Variants in CSF2RA observed in about 807,000 individuals in gnomAD.
CSF2RA encodes colony stimulating factor 2 receptor subunit alpha, also known as granulocyte-macrophage colony-stimulating factor receptor subunit alpha.
A neutral mutation model predicts 51.6 loss-of-function variants in CSF2RA; 42 were observed. The observed-to-expected ratio is 0.81, with a 90% confidence interval of 0.64 to 1.05. The LOEUF (loss-of-function observed/expected upper bound fraction) is 1.05, where lower values mean the gene tolerates loss of function less well. CSF2RA is among the 50% of genes least tolerant of loss of function. The pLI is 0.00. For synonymous variants in CSF2RA, 222 were observed against 193.0 expected (o/e 1.15, Z -1.24); for missense variants, 530 against 501.1 (o/e 1.06, Z -0.55).
chrX:1,313,151 G>A (rs753492818), downstream of CSF2RA, among the ~76,000 whole-genome samples: 22 of 152,252 alleles, frequency 1.4e-4, no homozygotes, highest in East Asian at 5.8e-4. Context: ...GAGGCCGGGC[G>A]TGGTAGCCAT....
At chrX:1,305,833 C>A in intron 12 of CSF2RA, 3 of 1,520,030 alleles carry the variant, frequency 2.0e-6, no homozygotes, top group African/African-American at 1.4e-5. Context: ...GTCATCCCAG[C>A]ACTTTGGGAG....
intron 1 of CSF2RA, among the ~76,000 whole-genome samples, chrX:1,272,658 T>G (rs2088592593): frequency 6.6e-6 from 1 of 151,156 alleles, no homozygotes; most frequent in Non-Finnish European, 1.5e-5. Flanking sequence ...CAGCTAATTT[T>G]CTTTGTATTT....
At chrX:1,287,399 T>C (rs370561828) in intron 4 of CSF2RA, among the ~76,000 whole-genome samples, 4 of 147,226 alleles carry the variant, frequency 2.7e-5, no homozygotes, top group African/African-American at 7.6e-5. Flanking sequence ...TGATCCACCC[T>C]CCTTGGCCTC....
intron 11 of CSF2RA, 87 bp downstream of exon 11, chrX:1,304,106 G>A (rs2083290754): frequency 8.4e-7 from 1 of 1,190,294 alleles, no homozygotes; most frequent in South Asian, 1.2e-5. Flanking sequence ...CTCTGTCTCT[G>A]AGAAAGAGAA....
chrX:1,283,095 C>A (rs191058590), intron 3 of CSF2RA, among the ~76,000 whole-genome samples: 3 of 150,176 alleles, frequency 2.0e-5, no homozygotes, highest in African/African-American at 7.3e-5. Context: ...CAAAGTGTTC[C>A]TTCCTTCCTT....
At chrX:1,290,641 G>A (rs1422926272) in intron 7 of CSF2RA, 132 bp downstream of exon 7, 274 of 878,108 alleles carry the variant, frequency 3.1e-4, no homozygotes, top group Non-Finnish European at 5.0e-4. Flanking sequence ...GAGGCGGGCC[G>A]ATCACCTGAG....
At chrX:1,322,610 G>A in the CSF2RA span, among the ~76,000 whole-genome samples, 3 of 151,394 alleles carry the variant, frequency 2.0e-5, no homozygotes, top group South Asian at 2.1e-4. Flanking sequence ...GTGGTCACGC[G>A]GCAGCTCTCG....
At chrX:1,310,055 C>T (rs185389555), downstream of CSF2RA, 32 of 349,876 alleles carry the variant, frequency 9.1e-5, no homozygotes, top group East Asian at 8.3e-4. Context: ...ATTAGCTGGG[C>T]GTGGTGGCTT....
chrX:1,274,820 T>A lies in CSF2RA; in HGVS notation c.-27+2T>A, dbSNP rs1398932048. ...GCGGCGATGTTTGCGTAGAACCCTG[T>A]ACGTGCTTCCTTCGGCCTGTCGGTA... On this transcript the variant is annotated splice_donor_variant, in intron 2 of 12. Transcript: ENST00000381529. LOFTEE classifies it low-confidence loss of function (5UTR_SPLICE). The A allele has an allele frequency of 2.2e-6, 1 of 453,558 alleles. No homozygotes were observed. Among genetic ancestry groups the A allele is most frequent in the Non-Finnish European group, 4.4e-6 (1 of 226,732 alleles). The allele number at this position is 453,558 out of a possible 1,614,324, so 28.1% of individuals were successfully genotyped here.
chrX:1,275,103 A>AC (rs1374383460), intron 2 of CSF2RA, among the ~76,000 whole-genome samples: 13 of 151,482 alleles, frequency 8.6e-5, no homozygotes, highest in African/African-American at 3.1e-4. Context: ...AAAAAAAAAA[A>AC]AAGAGCCGGC....
chrX:1,311,683 C>T (rs1407979766), downstream of CSF2RA, among the ~76,000 whole-genome samples: 6 of 152,136 alleles, frequency 3.9e-5, no homozygotes, highest in South Asian at 2.1e-4. Flanking sequence ...CCTCGTGATC[C>T]GCCCCCCTTG....
At chrX:1,307,388 T>TC (rs34782237) in intron 12 of CSF2RA, among the ~76,000 whole-genome samples, 34,180 of 137,804 alleles carry the variant, frequency 0.25, 4,189 homozygotes, top group African/African-American at 0.36. Context: ...GGCCCACCAT[T>TC]CCCCTTTAGA....
the CSF2RA span, among the ~76,000 whole-genome samples, chrX:1,323,251 C>T: frequency 4.0e-5 from 6 of 150,546 alleles, no homozygotes; most frequent in African/African-American, 7.3e-5. Context: ...CGGTGGCTCA[C>T]GCCTGTAATT....
chrX:1,288,559 G>T lies in CSF2RA; in HGVS notation c.260G>T (p.Cys87Phe). The T allele has an allele frequency of 1.2e-6, 2 of 1,613,914 alleles. No individual in the cohort carries two copies. Among genetic ancestry groups the T allele is most frequent in the Non-Finnish European group, 1.7e-6 (2 of 1,179,852 alleles). The change falls in exon 5 of 13, where the codon TGT becomes TTT. Residue 87 changes from cysteine to phenylalanine, a missense_variant. Physicochemically the swap from Cys to Phe is radical, Grantham distance 205 (BLOSUM62 -2). Coordinates refer to ENST00000381529, the MANE Select transcript of CSF2RA (RefSeq NM_172245.4). ...NECSCTFREI[C>F]LHEGVTFEVH... ...TGTTCGTGCACATTTCGTGAAATTTGTCTGCATGAAGGAGTCACATTTGAG... is the reference window on the plus strand; with the variant it reads ...TGTTCGTGCACATTTCGTGAAATTTTTCTGCATGAAGGAGTCACATTTGAG...
At chrX:1,313,422 G>C (rs2084269898), downstream of CSF2RA, among the ~76,000 whole-genome samples, 2 of 150,596 alleles carry the variant, frequency 1.3e-5, no homozygotes, top group Admixed American at 1.3e-4. Context: ...TGACAGAGAG[G>C]AGCTGTGGTC....
At chrX:1,301,652 A>G (rs1569509881) in intron 10 of CSF2RA, among the ~76,000 whole-genome samples, 2 of 132,622 alleles carry the variant, frequency 1.5e-5, no homozygotes, top group East Asian at 2.2e-4. Flanking sequence ...GCTGGAGTCC[A>G]GTGGCGCAAT....
In CSF2RA at chrX:1,302,116, A is replaced by G. The variant is rs1181889886; in HGVS notation, c.946+1490A>G. Among the ~76,000 whole-genome samples the G allele has an allele frequency of 1.5e-4, 22 of 147,226 alleles. No homozygotes were observed. In the Admixed American group the frequency reaches 1.5e-3, roughly 10 times the overall value. Reference sequence around the variant, plus strand: ...TTTTTAGTAGAGACGGGGTTTCACCATGTTGGTCAGGCTGTTCTTGAACTC... The same window carrying G: ...TTTTTAGTAGAGACGGGGTTTCACCGTGTTGGTCAGGCTGTTCTTGAACTC... On this transcript the variant is annotated intron_variant, in intron 10 of 12. Coordinates refer to ENST00000381529, the MANE Select transcript of CSF2RA (RefSeq NM_172245.4).
chrX:1,315,805 AG>A, the CSF2RA span, among the ~76,000 whole-genome samples: 1 of 81,422 alleles, frequency 1.2e-5, no homozygotes, highest in East Asian at 2.0e-4. Flanking sequence ...ATAGATAGAT[AG>A]ATAGATAGAT....
chrX:1,318,264 A>G, the CSF2RA span, among the ~76,000 whole-genome samples: 2 of 151,706 alleles, frequency 1.3e-5, no homozygotes, highest in Non-Finnish European at 2.9e-5. Flanking sequence ...CCCGGGTTCA[A>G]GTGATTCTCC....
Sources: gnomAD v4.1 joint callset for allele counts (sites outside exome capture counted in the v4.1 genomes callset) on GRCh38, gnomAD v4.1.1 for gene constraint, MANE v1.5 for transcripts, NCBI Gene and HGNC (gene_info 2026-07-23, HGNC 2026-07-21) for gene names.